Variants in DCC observed in about 807,000 individuals in gnomAD.
The protein encoded by DCC is DCC netrin 1 receptor.
DCC carries 58 observed loss-of-function variants against 172.5 expected under a neutral mutation model. The ratio of observed to expected loss-of-function variants is 0.34; its 90% confidence interval spans 0.27 to 0.42. The LOEUF (loss-of-function observed/expected upper bound fraction) is 0.42. Ranked by LOEUF, DCC falls within the 10% of genes least tolerant of loss-of-function variation. The pLI is 1.00. For synonymous variants in DCC, 709 were observed against 644.5 expected (o/e 1.10, Z -1.52); for missense variants, 1,740 against 1,791.0 (o/e 0.97, Z 0.51).
intron 1 of DCC, among the ~76,000 whole-genome samples, chr18:52,427,807 T>TCTTCCTTC (rs1568165634): frequency 8.4e-6 from 1 of 118,942 alleles, no homozygotes; most frequent in East Asian, 3.3e-4. Flanking sequence ...AACTTTCTTT[T>TCTTCCTTC]CTTCCTTTCT....
intron 25 of DCC, among the ~76,000 whole-genome samples, 180 bp from the exon 26 acceptor site, chr18:53,486,617 A>G (rs1236979927): frequency 1.3e-5 from 2 of 152,148 alleles, no homozygotes; most frequent in Non-Finnish European, 2.9e-5. Context: ...TGCTTGAGGG[A>G]TGAGCTGTCT....
chr18:52,705,819 GTGAATTTATAATTCATTCAT>G (rs1334886241), intron 1 of DCC, among the ~76,000 whole-genome samples: 12 of 152,272 alleles, frequency 7.9e-5, no homozygotes, highest in South Asian at 2.1e-4. Flanking sequence ...TGAATGATAA[GTGAATTTATAATTCATTCAT>G]TGAATTTATA....
At chr18:52,787,410 G>C (rs2037680318) in intron 2 of DCC, among the ~76,000 whole-genome samples, 1 of 151,692 alleles carries the variant, frequency 6.6e-6, no homozygotes, top group Non-Finnish European at 1.5e-5. Context: ...AAAGTTTCCA[G>C]GGTAGTTAGT....
At chr18:53,375,385 A>T (rs1458331043) in intron 15 of DCC, among the ~76,000 whole-genome samples, 1 of 152,188 alleles carries the variant, frequency 6.6e-6, no homozygotes, top group Non-Finnish European at 1.5e-5. Context: ...GGAGAAAGGA[A>T]ATGGGAAGAG....
intron 12 of DCC, among the ~76,000 whole-genome samples, chr18:53,233,413 T>A (rs1338404924): frequency 6.6e-6 from 1 of 152,176 alleles, no homozygotes; most frequent in Non-Finnish European, 1.5e-5. Context: ...CAAACTAAAA[T>A]CATATCAAGA....
At chr18:52,509,495 C>A (rs1016323447) in intron 1 of DCC, among the ~76,000 whole-genome samples, 8 of 152,246 alleles carry the variant, frequency 5.3e-5, no homozygotes, top group South Asian at 2.1e-4. Context: ...TTTAGACAAG[C>A]CTATCCTAAG....
chr18:53,186,091 T>C (rs554760106), intron 9 of DCC, among the ~76,000 whole-genome samples: 1 of 152,348 alleles, frequency 6.6e-6, no homozygotes, highest in East Asian at 1.9e-4. Flanking sequence ...GCTGGCTCTC[T>C]TATTTTCTCT....
chr18:52,958,387 G>GAA (rs2040782866), intron 5 of DCC, among the ~76,000 whole-genome samples: 1 of 152,070 alleles, frequency 6.6e-6, no homozygotes, highest in African/African-American at 2.4e-5. Context: ...GTGTAAGTTG[G>GAA]AAATTTGTAC....
At chr18:52,752,695 T>C (rs1012088948) in intron 2 of DCC, among the ~76,000 whole-genome samples, 3 of 152,172 alleles carry the variant, frequency 2.0e-5, no homozygotes, top group Non-Finnish European at 4.4e-5. Context: ...AAAAGCTTAT[T>C]TCTTCTCTCT....
chr18:53,148,729 T>C (rs1185705658), intron 7 of DCC, among the ~76,000 whole-genome samples: 1 of 152,046 alleles, frequency 6.6e-6, no homozygotes, highest in Non-Finnish European at 1.5e-5. Flanking sequence ...AATGATAGAT[T>C]TTTCTCTGCA....
intron 16 of DCC, among the ~76,000 whole-genome samples, chr18:53,390,729 A>G (rs1287673116): frequency 6.6e-6 from 1 of 152,188 alleles, no homozygotes; most frequent in Non-Finnish European, 1.5e-5. Context: ...GAATTTTGTA[A>G]AAACACACAC....
rs899037797 is a variant in DCC at position 52,804,282 on chromosome 18, A to G, written c.412+51908A>G. Among the ~76,000 whole-genome samples the G allele has an allele frequency of 8.5e-5, 13 of 152,308 alleles. No homozygotes were observed. In the South Asian group the frequency reaches 1.2e-3, roughly 15 times the overall value. On this transcript the variant is annotated intron_variant, in intron 2 of 28. Coordinates refer to ENST00000442544, the MANE Select transcript of DCC (RefSeq NM_005215.4). Reference sequence around the variant, plus strand: ...CTCATGATTTCTTTTTAACGAAGGAAGAAACTGGGGCTTAGAGAGTACATA... The same window carrying G: ...CTCATGATTTCTTTTTAACGAAGGAGGAAACTGGGGCTTAGAGAGTACATA...
intron 3 of DCC, 129 bp downstream of exon 3, chr18:52,906,457 TTC>T: frequency 9.8e-7 from 1 of 1,020,868 alleles, no homozygotes; most frequent in Non-Finnish European, 1.5e-6. Flanking sequence ...TGTTTATTAT[TTC>T]TTTCTTCCTT....
chr18:53,122,804 C>T (rs1197927081), intron 7 of DCC, among the ~76,000 whole-genome samples: 1 of 151,996 alleles, frequency 6.6e-6, no homozygotes, highest in Non-Finnish European at 1.5e-5. Flanking sequence ...TGTGAAAGCC[C>T]TATTTTGGGT....
chr18:53,462,625 C>A (rs2036416), intron 24 of DCC, among the ~76,000 whole-genome samples: 8 of 151,996 alleles, frequency 5.3e-5, no homozygotes, highest in Non-Finnish European at 1.0e-4. Flanking sequence ...TTGAATCATC[C>A]TGAAACCGTA....
intron 12 of DCC, among the ~76,000 whole-genome samples, chr18:53,291,167 C>T (rs916327216): frequency 2.7e-5 from 4 of 146,064 alleles, no homozygotes; most frequent in East Asian, 4.0e-4. Context: ...GACTGCATTT[C>T]GAAAAAAAAA....
intron 16 of DCC, among the ~76,000 whole-genome samples, chr18:53,389,755 C>G (rs968814004): frequency 2.6e-5 from 4 of 152,082 alleles, no homozygotes; most frequent in Non-Finnish European, 5.9e-5. Context: ...GAACTGACTC[C>G]AAGAAACTCA....
chr18:53,270,425 A>G (rs1258592885), intron 12 of DCC, among the ~76,000 whole-genome samples: 2 of 152,142 alleles, frequency 1.3e-5, no homozygotes, highest in Non-Finnish European at 2.9e-5. Flanking sequence ...AGTATTCAAA[A>G]TCTTTCTAAA....
At chr18:53,432,108 C>A (rs1911655583) in intron 21 of DCC, among the ~76,000 whole-genome samples, 1 of 151,946 alleles carries the variant, frequency 6.6e-6, no homozygotes, top group Non-Finnish European at 1.5e-5. Flanking sequence ...GCATGCAGTT[C>A]TTTTAATAAT....
Sources: gnomAD v4.1 joint callset for allele counts (sites outside exome capture counted in the v4.1 genomes callset) on GRCh38, gnomAD v4.1.1 for gene constraint, MANE v1.5 for transcripts, NCBI Gene and HGNC (gene_info 2026-07-23, HGNC 2026-07-21) for gene names.